Variants in CNTNAP3 observed in about 807,000 individuals in gnomAD.
The protein encoded by CNTNAP3 is contactin associated protein family member 3, also known as contactin-associated protein-like 3.
In CNTNAP3, 36 loss-of-function variants were observed where a neutral mutation model predicts 92.1. That is an observed-to-expected ratio of 0.39 (90% CI 0.30 to 0.52). CNTNAP3 has a LOEUF of 0.52. CNTNAP3 is among the 20% of genes least tolerant of loss of function. The pLI is 0.76. For synonymous variants in CNTNAP3, 232 were observed against 422.3 expected (o/e 0.55, Z 5.53); for missense variants, 534 against 1,069.6 (o/e 0.50, Z 6.98).
intron 13 of CNTNAP3, among the ~76,000 whole-genome samples, chr9:39,126,034 G>A (rs973085460): frequency 1.3e-5 from 2 of 152,094 alleles, no homozygotes; most frequent in Admixed American, 1.3e-4. Context: ...ATTTTATCTA[G>A]ACACTGCAGA....
At chr9:39,129,430 A>G (rs1459704663) in intron 13 of CNTNAP3, among the ~76,000 whole-genome samples, 1 of 152,202 alleles carries the variant, frequency 6.6e-6, no homozygotes. Flanking sequence ...ATTCATAGTC[A>G]GAGAGAGTGA....
chr9:39,079,348 C>T (rs1825875684), intron 21 of CNTNAP3, among the ~76,000 whole-genome samples: 1 of 151,862 alleles, frequency 6.6e-6, no homozygotes. Context: ...ATCCTTCATA[C>T]TATAGTTGCT....
At chr9:39,112,234 TAGGA>T (rs1345326982) in intron 14 of CNTNAP3, among the ~76,000 whole-genome samples, 5 of 152,116 alleles carry the variant, frequency 3.3e-5, no homozygotes, top group Admixed American at 2.6e-4. Context: ...TGTACTTTCC[TAGGA>T]AGTGTGAAAA....
At chr9:39,091,929 A>AT (rs1826213930) in intron 18 of CNTNAP3, among the ~76,000 whole-genome samples, 1 of 151,754 alleles carries the variant, frequency 6.6e-6, no homozygotes. Context: ...GCCAATTTAT[A>AT]TTTTCTCCTC....
chr9:39,087,488 T>C (rs1170631263), intron 19 of CNTNAP3, among the ~76,000 whole-genome samples: 2 of 144,166 alleles, frequency 1.4e-5, no homozygotes, highest in Admixed American at 6.8e-5. Context: ...GAGATTTTTT[T>C]TTTTGTTTGT....
At chr9:39,079,656 C>G in intron 21 of CNTNAP3, among the ~76,000 whole-genome samples, 1 of 133,940 alleles carries the variant, frequency 7.5e-6, no homozygotes, top group Middle Eastern at 3.7e-3. Context: ...TTATCTTACA[C>G]TATTTATTTC....
intron 7 of CNTNAP3, chr9:39,174,380 T>G (rs1822292948): frequency 1.6e-6 from 1 of 629,184 alleles, no homozygotes; most frequent in South Asian, 1.7e-5. Context: ...ACCCATCTTT[T>G]TTTTTTTTTT....
Position 39,152,841 on chromosome 9 carries a change from T to G in CNTNAP3, c.1478-2864A>C, listed in dbSNP as rs1456359130. Among the ~76,000 whole-genome samples the G allele has an allele frequency of 3.8e-5, 4 of 104,764 alleles. 2 individuals carry two copies. The East Asian group carries it at 1.1e-3, about 30-fold the overall frequency. The allele number at this position is 104,764 out of a possible 152,430, so 68.7% of individuals were successfully genotyped here. ...CTGCTAATTTTTTTTTTTTTGTATT[T>G]TTTTTCAGTAGAGACGGGGTTTCAC... On this transcript the variant is annotated intron_variant, in intron 9 of 23. Transcript: ENST00000297668.
chr9:39,140,785 A>T, intron 11 of CNTNAP3, 147 bp from the exon 12 acceptor site: 2 of 1,214,544 alleles, frequency 1.6e-6, no homozygotes, highest in Non-Finnish European at 2.1e-6. Context: ...ATTTGATGAG[A>T]TGCAAAAAAA....
chr9:39,114,102 A>C (rs1243897565), intron 14 of CNTNAP3, among the ~76,000 whole-genome samples: 1 of 116,550 alleles, frequency 8.6e-6, no homozygotes, highest in Non-Finnish European at 1.7e-5. Context: ...TTTTTTTTTG[A>C]GACAGAGTCT....
At chr9:39,098,750 A>G (rs1826382387) in intron 18 of CNTNAP3, among the ~76,000 whole-genome samples, 1 of 152,148 alleles carries the variant, frequency 6.6e-6, no homozygotes, top group Non-Finnish European at 1.5e-5. Context: ...ACTTCTAGAT[A>G]ATGAATCCTC....
chr9:39,132,529 T>A (rs1222042926), intron 13 of CNTNAP3, among the ~76,000 whole-genome samples: 1 of 152,056 alleles, frequency 6.6e-6, no homozygotes, highest in Non-Finnish European at 1.5e-5. Context: ...GAAACAAACG[T>A]TCCAGGTAGA....
intron 11 of CNTNAP3, among the ~76,000 whole-genome samples, chr9:39,143,272 A>G (rs1821620213): frequency 6.6e-6 from 1 of 151,758 alleles, no homozygotes; most frequent in Non-Finnish European, 1.5e-5. Flanking sequence ...TTACACTTAA[A>G]TGTCTACCAG....
chr9:39,095,151 A>T (rs923934619), intron 18 of CNTNAP3, among the ~76,000 whole-genome samples: 44 of 151,672 alleles, frequency 2.9e-4, no homozygotes, highest in African/African-American at 1.0e-3. Context: ...TTGCTAGTGT[A>T]GAGAAATACA....
rs775584630 is a variant in CNTNAP3 at position 39,109,155 on chromosome 9, C to T, written c.2365+5G>A. ...AAAATAAAGCTTTTTCTTGACACTA[C>T]TTACGATCTCCGCGGCAGAGCAGTG... On this transcript the variant is annotated splice_donor_5th_base_variant and intron_variant, in intron 15 of 23. Transcript: ENST00000297668. The T allele has an allele frequency of 5.6e-6, 9 of 1,609,558 alleles. No homozygotes were observed. In the South Asian group the frequency reaches 8.9e-5, roughly 16 times the overall value.
chr9:39,136,881 T>C (rs10974167), intron 12 of CNTNAP3, among the ~76,000 whole-genome samples: 3 of 152,136 alleles, frequency 2.0e-5, no homozygotes, highest in Non-Finnish European at 2.9e-5. Flanking sequence ...GCCTGGGCAA[T>C]GAGAGTAAAA....
chr9:39,084,205 T>TTTG, intron 21 of CNTNAP3, among the ~76,000 whole-genome samples: 2 of 147,752 alleles, frequency 1.4e-5, no homozygotes, highest in East Asian at 1.9e-4. Flanking sequence ...TTTTTTTTTT[T>TTTG]TTTTTTTTTT....
At chr9:39,110,671 A>G (rs1826723779) in intron 14 of CNTNAP3, among the ~76,000 whole-genome samples, 1 of 152,138 alleles carries the variant, frequency 6.6e-6, no homozygotes, top group Non-Finnish European at 1.5e-5. Context: ...TCTGGCCAAA[A>G]TAAAGGCATT....
In CNTNAP3 at chr9:39,066,336, G is replaced by A. The variant is rs1368780394; in HGVS notation, c.*7554C>T. ...TTTACTCATGCTGCAGAACTCACAT[G>A]ACACTGCTATTATTTCTAAACAGCC... On this transcript the variant is annotated 3_prime_UTR_variant, in exon 24 of 24. Transcript: ENST00000297668. Among the ~76,000 whole-genome samples, 1 of 152,114 alleles carries A rather than the reference G, an allele frequency of 6.6e-6. No individual in the cohort carries two copies. The highest frequency in any genetic ancestry group is 1.5e-5 in the Non-Finnish European group (1 of 68,016).
Sources: gnomAD v4.1 joint callset for allele counts (sites outside exome capture counted in the v4.1 genomes callset) on GRCh38, gnomAD v4.1.1 for gene constraint, MANE v1.5 for transcripts, NCBI Gene and HGNC (gene_info 2026-07-23, HGNC 2026-07-21) for gene names.